The following DCD variants were observed in gnomAD, a reference collection of about 807,000 sequenced individuals.
DCD encodes dermcidin, also known as diffusible survival/evasion peptide.
In DCD, 17 loss-of-function variants were observed where a neutral mutation model predicts 14.5. That is an observed-to-expected ratio of 1.18 (90% CI 0.81 to 1.76). DCD has a LOEUF of 1.76. Ranked by LOEUF, DCD falls within the 40% of genes most tolerant of loss-of-function variation. DCD has a pLI of 0.00. For synonymous variants in DCD, 64 were observed against 54.0 expected, an observed-to-expected ratio of 1.19 and a Z score of -0.82; for missense variants, 139 against 133.4, an observed-to-expected ratio of 1.04 and a Z score of -0.21.
At chr12:54,644,995 AC>A in intron 4 of DCD, 177 bp downstream of exon 4, 1 of 1,524,686 alleles carries the variant, frequency 6.6e-7, no homozygotes. Flanking sequence ...AGCAAGTTAG[AC>A]CCCAGGAAGT....
intron 1 of DCD, among the ~76,000 whole-genome samples, chr12:54,647,649 C>G (rs1958271926): frequency 6.6e-6 from 1 of 152,170 alleles, no homozygotes; most frequent in African/African-American, 2.4e-5. Context: ...GTGAGGAAGA[C>G]AGACAGTGTA....
chr12:54,648,226 C>T lies in DCD; in HGVS notation c.58+20G>A, dbSNP rs143140702. On this transcript the variant is annotated intron_variant, in intron 1 of 4. Coordinates refer to ENST00000293371, the MANE Select transcript of DCD (RefSeq NM_053283.4). ...TTCAGGGGACTATATGGTTGGGTGT[C>T]GGGGAAGAGCCATACTCACAGGCAC... is the stretch of plus-strand genomic sequence containing the variant. 1,246 of 1,612,938 alleles carry T rather than the reference C, an allele frequency of 7.7e-4. 15 individuals are homozygous for T. The African/African-American group carries it at 0.015, about 19-fold the overall frequency.
Position 54,645,051 on chromosome 12 carries a change from T to G in DCD, c.289+122A>C, listed in dbSNP as rs1273753029. On this transcript the variant is annotated intron_variant, in intron 4 of 4. Transcript: ENST00000293371. ...GGCAATTTAAATCTGGATGAGGAAT[T>G]GGAGACATTTGAAAGCACAAAGTGA... The G allele has an allele frequency of 4.0e-5, 59 of 1,480,714 alleles. 1 individual carries two copies. In the South Asian group the frequency reaches 6.1e-4, roughly 15 times the overall value. The allele number at this position is 1,480,714 out of a possible 1,614,324, so 91.7% of individuals were successfully genotyped here. A position where few individuals can be genotyped will look rare whatever the true frequency, so the allele number is the denominator to read the frequency against.
intron 1 of DCD, 118 bp downstream of exon 1, chr12:54,648,128 G>T: frequency 8.9e-7 from 1 of 1,121,272 alleles, no homozygotes; most frequent in Non-Finnish European, 1.3e-6. Flanking sequence ...AGGCAGGAGT[G>T]GGCTACAGAG....
intron 2 of DCD, chr12:54,646,003 G>A (rs1352405669): frequency 6.3e-6 from 3 of 474,626 alleles, no homozygotes; most frequent in African/African-American, 2.0e-5. Context: ...ACTCCCCCTA[G>A]TTTTCATCCC....
intron 2 of DCD, among the ~76,000 whole-genome samples, 173 bp downstream of exon 2, chr12:54,646,948 T>C (rs1958265918): frequency 6.6e-6 from 1 of 152,122 alleles, no homozygotes; most frequent in Non-Finnish European, 1.5e-5. Context: ...GCTCTGTCCT[T>C]CTCCAGTGCA....
rs200742479 is a variant in DCD at position 54,645,168 on chromosome 12, C to T, written c.289+5G>A. 3.8e-5 allele frequency: 61 copies of T among 1,613,874 alleles called. No homozygotes were observed. The South Asian group carries it at 4.0e-4, about 10-fold the overall frequency. ...CCTGAGGGAGGAGTGGGGACATATA[C>T]TCACCTTTACCCACGCTTTCTAGAT... On this transcript the variant is annotated splice_donor_5th_base_variant and intron_variant, in intron 4 of 4. Transcript: ENST00000293371.
chr12:54,644,622 A>G lies in DCD; in HGVS notation c.*91T>C. ...ATGCTTTCAGTTTAATAGCTGTTTT[A>G]AATTTTTTTTTTTTTTTTTTTTTTT... On this transcript the variant is annotated 3_prime_UTR_variant, in exon 5 of 5. Transcript: ENST00000293371. The G allele has an allele frequency of 2.3e-6, 2 of 886,824 alleles. No homozygotes were observed. Among genetic ancestry groups the G allele is most frequent in the East Asian group, 2.7e-5 (1 of 37,462 alleles). The allele number at this position is 886,824 out of a possible 1,614,324, so 54.9% of individuals were successfully genotyped here.
intron 2 of DCD, chr12:54,646,019 C>A (rs997983105): frequency 2.2e-6 from 1 of 460,800 alleles, no homozygotes; most frequent in Non-Finnish European, 4.3e-6. Flanking sequence ...ATCCCTTATA[C>A]CAGCCCCCTA....
At chr12:54,645,133 T>G (rs775069345) in intron 4 of DCD, 40 bp downstream of exon 4, 1 of 1,601,312 alleles carries the variant, frequency 6.2e-7, no homozygotes, top group South Asian at 1.1e-5. Flanking sequence ...GGGTGGAGAC[T>G]GAGGCTGGTC....
chr12:54,644,690 C>A lies in DCD; in HGVS notation c.*23G>T, dbSNP rs771365688. On this transcript the variant is annotated 3_prime_UTR_variant, in exon 5 of 5. Transcript: ENST00000293371. ...CGTAAAGCCTGCTGCTCCTGGGTAT[C>A]ATTTCTCAGCTTCTCCTTACAGCTA... is the stretch of plus-strand genomic sequence containing the variant. The A allele has an allele frequency of 9.1e-6, 13 of 1,434,442 alleles. No individual in the cohort carries two copies. The highest frequency in any genetic ancestry group is 1.2e-5 in the Non-Finnish European group (12 of 1,033,692). 88.9% of individuals were successfully genotyped at this position (1,434,442 alleles called of 1,614,324 possible). A position where few individuals can be genotyped will look rare whatever the true frequency, so the allele number is the denominator to read the frequency against.
chr12:54,647,799 G>T (rs1162129279), intron 1 of DCD, among the ~76,000 whole-genome samples: 1 of 152,216 alleles, frequency 6.6e-6, no homozygotes, highest in African/African-American at 2.4e-5. Flanking sequence ...GGGCCAAAAT[G>T]ATTCTGGGGC....
chr12:54,644,741 A>T lies in DCD; in HGVS notation c.305T>A (p.Val102Asp). 1 of 1,607,410 alleles carries T rather than the reference A, an allele frequency of 6.2e-7. No individual in the cohort carries two copies. The highest frequency in any genetic ancestry group is 8.5e-7 in the Non-Finnish European group (1 of 1,176,700). The change falls in exon 5 of 5, where the codon GTT (valine) becomes GAT (aspartate). Residue 102 changes from valine to aspartate, a missense_variant. By Grantham distance (152) the Val-to-Asp change is radical. Transcript: ENST00000293371. ...ESVGKGAVHD[V>D]KDVLDSVL ...TAGTACTGAGTCAAGGACGTCTTTA[A>T]CGTCATGGACGGCTCCTAGGACAGC...
rs754604439 is a variant in DCD, at chr12:54,645,661, G to T, written c.144C>A (p.Asp48Glu). Residue 48 changes from aspartate (D) to glutamate (E), a missense_variant, in exon 3 of 5, where the codon GAC becomes GAA. Coordinates refer to ENST00000293371, the MANE Select transcript of DCD (RefSeq NM_053283.4). ...SAAQKENAGE[D>E]PGLARQAPKP... is the part of the protein sequence containing the mutation. ...TTGGTGCCTGTCTGGCTAACCCTGG[G>T]TCTTCACCTGCATTTTCCTTTTGAG... 1.2e-6 allele frequency: 2 copies of T among 1,614,178 alleles called. No homozygotes were observed. Among genetic ancestry groups the T allele is most frequent in the South Asian group, 2.2e-5 (2 of 91,080 alleles).
In DCD at chr12:54,644,645, TTTAGG is replaced by T; in HGVS notation, c.*63_*67del. On this transcript the variant is annotated 3_prime_UTR_variant, in exon 5 of 5. Coordinates refer to ENST00000293371, the MANE Select transcript of DCD (RefSeq NM_053283.4). ...TTAAATTTTTTTTTTTTTTTTTTTT[TTTAGG>T]TTTTAGGCTGAAGACGTAAAGCCTG... 2.9e-6 allele frequency: 3 copies of T among 1,049,596 alleles called. No homozygotes were observed. Among genetic ancestry groups the T allele is most frequent in the Non-Finnish European group, 4.2e-6 (3 of 721,646 alleles). The allele number at this position is 1,049,596 out of a possible 1,614,324, so 65.0% of individuals were successfully genotyped here. A position where few individuals can be genotyped will look rare whatever the true frequency, so the allele number is the denominator to read the frequency against.
chr12:54,646,497 A>G lies in DCD; in HGVS notation c.97+624T>C, dbSNP rs191074663. ...GGAGAGACTGGGACAGAGGCACCAT[A>G]CACACCAGGCAGGGAGGGCTTCAGA... On this transcript the variant is annotated intron_variant, in intron 2 of 4. Coordinates refer to ENST00000293371, the MANE Select transcript of DCD (RefSeq NM_053283.4). 8.5e-4 allele frequency among the ~76,000 whole-genome samples: 129 copies of G among 152,082 alleles called. 1 individual carries two copies. The highest frequency in any genetic ancestry group is 1.1e-3 in the Non-Finnish European group (72 of 67,950).
intron 4 of DCD, 34 bp downstream of exon 4, chr12:54,645,139 T>C: frequency 6.2e-7 from 1 of 1,605,264 alleles, no homozygotes; most frequent in Non-Finnish European, 8.5e-7. Flanking sequence ...AGACTGAGGC[T>C]GGTCCTGAGG....
Position 54,648,343 on chromosome 12 carries a change from G to T in DCD, c.-40C>A. ...GAGTGGGTATGCCACCAAATCCTTG[G>T]AGATCTTGGGATCTAGGGTGTCAAG... On this transcript the variant is annotated 5_prime_UTR_variant, in exon 1 of 5. Transcript: ENST00000293371. 6.2e-7 allele frequency: 1 copy of T among 1,612,872 alleles called. No homozygotes were observed. The highest frequency in any genetic ancestry group is 8.5e-7 in the Non-Finnish European group (1 of 1,179,388).
chr12:54,647,311 A>G, intron 1 of DCD, 152 bp from the exon 2 acceptor site: 1 of 705,280 alleles, frequency 1.4e-6, no homozygotes, highest in Non-Finnish European at 2.3e-6. Flanking sequence ...GGGGCCCACT[A>G]GAAATGCTTT....
Sources: gnomAD v4.1 joint callset for allele counts (sites outside exome capture counted in the v4.1 genomes callset) on GRCh38, gnomAD v4.1.1 for gene constraint, MANE v1.5 for transcripts, NCBI Gene and HGNC (gene_info 2026-07-23, HGNC 2026-07-21) for gene names.